The following CPQ variants were observed in gnomAD, a reference collection of about 807,000 sequenced individuals.
CPQ encodes the protein Ser-Met dipeptidase.
Under a neutral mutation model 45.7 loss-of-function variants are expected in CPQ, and 37 were observed. That is an observed-to-expected ratio of 0.81 (90% CI 0.62 to 1.07). The LOEUF is 1.07. Among genes scored for constraint, CPQ ranks in the 50% least tolerant of loss-of-function variants. The pLI is 0.00. For synonymous variants in CPQ, 186 were observed against 205.8 expected (o/e 0.90, Z 0.82); for missense variants, 537 against 572.9 (o/e 0.94, Z 0.64).
intron 1 of CPQ, among the ~76,000 whole-genome samples, chr8:96,696,281 G>A (rs1381567786): frequency 6.6e-6 from 1 of 151,586 alleles, no homozygotes; most frequent in Non-Finnish European, 1.5e-5. Flanking sequence ...TCACACTCTG[G>A]GGACTGTTGT....
In CPQ at chr8:97,122,981, T is replaced by TAAAATAAAATAAAATA. The variant is rs1224428408; in HGVS notation, c.1256-20039_1256-20038insAAAATAAAATAAAATA. ...TAAAATAAAATAAAATAAAATAAAATTAAAATAAAATAAAATAAAATATAA... is the reference window on the plus strand; with the variant it reads ...TAAAATAAAATAAAATAAAATAAAATAAAATAAAATAAAATATAAAATAAAATAAAATAAAATATAA... On this transcript the variant is annotated intron_variant, in intron 7 of 7. Transcript: ENST00000220763. Among the ~76,000 whole-genome samples the TAAAATAAAATAAAATA allele has an allele frequency of 2.5e-4, 6 of 24,270 alleles. 1 individual carries two copies. Among genetic ancestry groups the TAAAATAAAATAAAATA allele is most frequent in the East Asian group, 1.0e-3 (1 of 960 alleles). 15.9% of individuals were successfully genotyped at this position (24,270 alleles called of 152,430 possible).
chr8:96,740,642 T>C (rs1788196138), intron 1 of CPQ, among the ~76,000 whole-genome samples: 1 of 151,836 alleles, frequency 6.6e-6, no homozygotes, highest in African/African-American at 2.4e-5. Flanking sequence ...GTCCCATCAA[T>C]ACCTAATTTA....
chr8:96,920,632 C>T (rs762416485), intron 4 of CPQ, among the ~76,000 whole-genome samples: 4 of 151,940 alleles, frequency 2.6e-5, no homozygotes, highest in South Asian at 2.1e-4. Flanking sequence ...AGAAGGTGAT[C>T]GTATTTAGAG....
At chr8:96,716,935 G>A (rs748772097) in intron 1 of CPQ, among the ~76,000 whole-genome samples, 2 of 144,318 alleles carry the variant, frequency 1.4e-5, no homozygotes, top group East Asian at 2.1e-4. Flanking sequence ...ACACACACAC[G>A]CAAGAATAAT....
intron 5 of CPQ, among the ~76,000 whole-genome samples, chr8:97,004,654 A>C (rs1233684574): frequency 6.6e-6 from 1 of 152,150 alleles, no homozygotes; most frequent in Non-Finnish European, 1.5e-5. Context: ...GAAAATTACT[A>C]AAATTGAAAA....
chr8:96,668,851 G>A (rs994913974), intron 1 of CPQ, among the ~76,000 whole-genome samples: 1 of 151,696 alleles, frequency 6.6e-6, no homozygotes, highest in Admixed American at 6.6e-5. Flanking sequence ...TGGGTAACTT[G>A]GAGATGCCAA....
At chr8:96,873,213 T>G (rs1398986964) in intron 3 of CPQ, among the ~76,000 whole-genome samples, 1 of 151,878 alleles carries the variant, frequency 6.6e-6, no homozygotes, top group African/African-American at 2.4e-5. Context: ...ATTCAATAAT[T>G]TGACTTTTTC....
intron 3 of CPQ, among the ~76,000 whole-genome samples, chr8:96,877,806 T>A (rs1812168146): frequency 6.6e-6 from 1 of 152,188 alleles, no homozygotes; most frequent in South Asian, 2.1e-4. Flanking sequence ...GGATCCGACC[T>A]AGGTTAAGTG....
At chr8:97,128,398 TC>T (rs1420866408) in intron 7 of CPQ, among the ~76,000 whole-genome samples, 1 of 152,114 alleles carries the variant, frequency 6.6e-6, no homozygotes, top group African/African-American at 2.4e-5. Context: ...TAAAACTTTC[TC>T]CTTGGCCAGG....
At chr8:96,699,158 G>T (rs900714239) in intron 1 of CPQ, among the ~76,000 whole-genome samples, 1 of 152,156 alleles carries the variant, frequency 6.6e-6, no homozygotes, top group South Asian at 2.1e-4. Context: ...ACCACAAAAA[G>T]AATGAGATCC....
intron 7 of CPQ, among the ~76,000 whole-genome samples, chr8:97,110,341 A>G (rs188153130): frequency 8.1e-4 from 124 of 152,302 alleles, no homozygotes; most frequent in African/African-American, 2.9e-3. Flanking sequence ...TTATATAAAT[A>G]CACCACAGTT....
chr8:97,066,296 C>A, intron 7 of CPQ, 86 bp downstream of exon 7: 2 of 1,213,020 alleles, frequency 1.6e-6, no homozygotes, highest in East Asian at 2.5e-5. Flanking sequence ...ACAATGAATA[C>A]TAGTAGGCCA....
chr8:97,036,320 T>C (rs1377572728), intron 6 of CPQ, among the ~76,000 whole-genome samples: 1 of 152,150 alleles, frequency 6.6e-6, no homozygotes, highest in Non-Finnish European at 1.5e-5. Context: ...AGGGGAAAAG[T>C]CCAGAAAATG....
intron 7 of CPQ, among the ~76,000 whole-genome samples, chr8:97,070,726 C>G (rs182090217): frequency 6.6e-6 from 1 of 152,274 alleles, no homozygotes; most frequent in East Asian, 1.9e-4. Context: ...AATTGCTCTT[C>G]CCTGACAATT....
chr8:97,037,108 T>C (rs981852622), intron 6 of CPQ, among the ~76,000 whole-genome samples: 1 of 152,250 alleles, frequency 6.6e-6, no homozygotes, highest in Admixed American at 6.5e-5. Context: ...TCTTTATGTA[T>C]AGAAATACAC....
intron 7 of CPQ, among the ~76,000 whole-genome samples, chr8:97,072,205 C>T (rs1030254575): frequency 9.2e-5 from 14 of 152,122 alleles, no homozygotes; most frequent in Non-Finnish European, 1.5e-5. Context: ...CACTGAAAAA[C>T]AACTTCTTGA....
At chr8:97,083,515 C>G (rs773843863) in intron 7 of CPQ, among the ~76,000 whole-genome samples, 1 of 152,194 alleles carries the variant, frequency 6.6e-6, no homozygotes, top group Non-Finnish European at 1.5e-5. Flanking sequence ...ACTCATTTCA[C>G]TGTAACATGG....
chr8:97,089,461 T>G (rs945538437), intron 7 of CPQ, among the ~76,000 whole-genome samples: 39 of 152,210 alleles, frequency 2.6e-4, no homozygotes, highest in African/African-American at 8.7e-4. Flanking sequence ...CAGCTGCAGA[T>G]TTTGCTAACA....
intron 2 of CPQ, among the ~76,000 whole-genome samples, chr8:96,792,730 T>C (rs571466129): frequency 6.6e-6 from 1 of 152,296 alleles, no homozygotes; most frequent in African/African-American, 2.4e-5. Context: ...TTAAGGTAGT[T>C]CTTTCCTTGG....
Sources: gnomAD v4.1 joint callset for allele counts (sites outside exome capture counted in the v4.1 genomes callset) on GRCh38, gnomAD v4.1.1 for gene constraint, MANE v1.5 for transcripts, NCBI Gene and HGNC (gene_info 2026-07-23, HGNC 2026-07-21) for gene names.